The following GFPT2 variants were observed in gnomAD, a reference collection of about 807,000 sequenced individuals.
GFPT2 encodes glutamine--fructose-6-phosphate transaminase 2.
A neutral mutation model predicts 85.6 loss-of-function variants in GFPT2; 62 were observed. That is an observed-to-expected ratio of 0.72 (90% CI 0.59 to 0.90). The LOEUF (loss-of-function observed/expected upper bound fraction) is 0.90. GFPT2 is among the 40% of genes least tolerant of loss of function. The pLI is 0.00. For synonymous variants in GFPT2, 368 were observed against 344.5 expected, an observed-to-expected ratio of 1.07 and a Z score of -0.75; for missense variants, 788 against 893.4, an observed-to-expected ratio of 0.88 and a Z score of 1.50.
At position 180,301,183 on chromosome 5, in the gene GFPT2, A is replaced by G. The variant is rs938148556; in HGVS notation, c.*381T>C. On this transcript the variant is annotated 3_prime_UTR_variant, in exon 19 of 19. Coordinates refer to ENST00000253778, the MANE Select transcript of GFPT2 (RefSeq NM_005110.4). ...CGTTACCACGGCTACAGAAAGCCACATACTAGAAAAATAACTTAAAAGCTA... is the reference window on the plus strand; with the variant it reads ...CGTTACCACGGCTACAGAAAGCCACGTACTAGAAAAATAACTTAAAAGCTA... 4.3e-6 allele frequency: 1 copy of G among 233,334 alleles called. No homozygotes were observed. The highest frequency in any genetic ancestry group is 8.4e-6 in the Non-Finnish European group (1 of 119,602). The allele number at this position is 233,334 out of a possible 1,614,324, so 14.5% of individuals were successfully genotyped here. A position where few individuals can be genotyped will look rare whatever the true frequency, so the allele number is the denominator to read the frequency against.
intron 2 of GFPT2, among the ~76,000 whole-genome samples, chr5:180,338,006 C>T (rs1452320375): frequency 6.6e-6 from 1 of 152,180 alleles, no homozygotes; most frequent in African/African-American, 2.4e-5. Context: ...GTGGTGCACG[C>T]CTGTAGTCCC....
At chr5:180,310,197 G>T in intron 15 of GFPT2, among the ~76,000 whole-genome samples, 1 of 151,832 alleles carries the variant, frequency 6.6e-6, no homozygotes, top group Non-Finnish European at 1.5e-5. Flanking sequence ...CCGCCTCCTG[G>T]GTTCAAGCAA....
intron 7 of GFPT2, among the ~76,000 whole-genome samples, chr5:180,327,777 T>G (rs1425619215): frequency 6.6e-6 from 1 of 152,120 alleles, no homozygotes; most frequent in Non-Finnish European, 1.5e-5. Context: ...AGGGACACAT[T>G]GGGGCAAGCA....
chr5:180,334,246 C>A (rs1207059467), intron 4 of GFPT2, among the ~76,000 whole-genome samples: 1 of 152,250 alleles, frequency 6.6e-6, no homozygotes, highest in Non-Finnish European at 1.5e-5. Context: ...TACCACCAAG[C>A]TGCTCTGCTG....
At position 180,317,009 on chromosome 5, in the gene GFPT2, T is replaced by A. The variant is rs2112594; in HGVS notation, c.1008A>T (p.Ser336=). The change falls in exon 11 of 19, where the codon TCA becomes TCT. Residue 336 remains serine, a synonymous_variant. Transcript: ENST00000253778. ...CCCGACCTCTCATAGTATTGAAAAC[T>A]GATTCTGGCTGTTCGAAGATCTCCT... The part of the protein sequence containing the change: ...MQKEIFEQPE[S]VFNTMRGRVN... 13 of 1,611,738 alleles carry A rather than the reference T, an allele frequency of 8.1e-6. No individual in the cohort carries two copies. Among genetic ancestry groups the A allele is most frequent in the Non-Finnish European group, 6.8e-6 (8 of 1,177,884 alleles).
intron 15 of GFPT2, among the ~76,000 whole-genome samples, chr5:180,312,100 TGAGGACCAGGGAGGCAGGGAGGC>T (rs2127648232): frequency 2.5e-5 from 1 of 39,464 alleles, no homozygotes; most frequent in African/African-American, 8.8e-5. Context: ...GCAGGGAGGC[TGAGGACCAGGGAGGCAGGGAGGC>T]GGGGAGGCTG....
At chr5:180,313,711 C>T (rs1268820425) in intron 14 of GFPT2, 96 bp downstream of exon 14, 12 of 1,028,812 alleles carry the variant, frequency 1.2e-5, no homozygotes, top group Non-Finnish European at 1.6e-5. Flanking sequence ...GAAAGAAAGG[C>T]GGTGGCGCGG....
chr5:180,328,241 C>A lies in GFPT2; in HGVS notation c.596+36G>T. On this transcript the variant is annotated intron_variant, in intron 7 of 18. Coordinates refer to ENST00000253778, the MANE Select transcript of GFPT2 (RefSeq NM_005110.4). This position sits in a 1 kb window ranked among gnomAD's most constrained non-coding sequence, Gnocchi z 5.4. ...CCAGCTAAGTGATTTTATTTTCGTT[C>A]TTTCTTATGGGAAATGCCAGTGTGT... 1 of 1,519,488 alleles carries A rather than the reference C, an allele frequency of 6.6e-7. No individual in the cohort carries two copies. The highest frequency in any genetic ancestry group is 9.1e-7 in the Non-Finnish European group (1 of 1,093,602). The allele number at this position is 1,519,488 out of a possible 1,614,324, so 94.1% of individuals were successfully genotyped here. A position where few individuals can be genotyped will look rare whatever the true frequency, so the allele number is the denominator to read the frequency against.
At position 180,309,168 on chromosome 5, in the gene GFPT2, G is replaced by A. The variant is rs557750993; in HGVS notation, c.1547-1865C>T. 8.5e-5 allele frequency among the ~76,000 whole-genome samples: 13 copies of A among 152,102 alleles called. No individual in the cohort carries two copies. The East Asian group carries it at 1.2e-3, about 14-fold the overall frequency. On this transcript the variant is annotated intron_variant, in intron 15 of 18. Transcript: ENST00000253778. ...ATTACAGGCATCAGCCACCGTGCCC[G>A]GCCCTAGAGAAGTCTTTAAATGTTA...
chr5:180,301,610 T>A lies in GFPT2; in HGVS notation c.2005-2A>T. On this transcript the variant is annotated splice_acceptor_variant, in intron 18 of 18. Coordinates refer to ENST00000253778, the MANE Select transcript of GFPT2 (RefSeq NM_005110.4). LOFTEE classifies it high-confidence loss of function. ...GGCCAGATTTCTGGGGAAGTCAACCTAAAATGAAAGAAAGTGACTGTTCAG... is the reference window on the plus strand; with the variant it reads ...GGCCAGATTTCTGGGGAAGTCAACCAAAAATGAAAGAAAGTGACTGTTCAG... The A allele has an allele frequency of 6.2e-7, 1 of 1,612,652 alleles. No homozygotes were observed. The highest frequency in any genetic ancestry group is 8.5e-7 in the Non-Finnish European group (1 of 1,178,654).
chr5:180,350,924 C>T (rs1258754806), intron 1 of GFPT2, among the ~76,000 whole-genome samples: 3 of 152,198 alleles, frequency 2.0e-5, no homozygotes, highest in Non-Finnish European at 4.4e-5. Context: ...GGGAACGGCC[C>T]AGGAGATCTG....
chr5:180,302,322 T>C (rs894852569), intron 18 of GFPT2, 101 bp downstream of exon 18: 7 of 820,718 alleles, frequency 8.5e-6, no homozygotes, highest in Non-Finnish European at 1.3e-5. Flanking sequence ...TAAATAAAAT[T>C]ATTTACTCTA....
chr5:180,313,178 G>T lies in GFPT2; in HGVS notation c.1431+629C>A, dbSNP rs191865778. Reference sequence around the variant, plus strand: ...GCCTCCCACAGTGCTGGGATTCCAGGGGGGAGCCCCGTGCCAGCCCTAAAG... The same window carrying T: ...GCCTCCCACAGTGCTGGGATTCCAGTGGGGAGCCCCGTGCCAGCCCTAAAG... On this transcript the variant is annotated intron_variant, in intron 14 of 18. Transcript: ENST00000253778. Among the ~76,000 whole-genome samples the T allele has an allele frequency of 9.3e-3, 1,417 of 152,232 alleles. 28 individuals are homozygous for T. The highest frequency in any genetic ancestry group is 0.032 in the African/African-American group (1,348 of 41,556).
chr5:180,353,307 TGGG>T lies in GFPT2; in HGVS notation c.-93_-91del. On this transcript the variant is annotated 5_prime_UTR_variant, in exon 1 of 19. Coordinates refer to ENST00000253778, the MANE Select transcript of GFPT2 (RefSeq NM_005110.4). ...TCCGTGGGCTCCTCCGTGGGCTCCG[TGGG>T]CTCCGTGGGCTCCGCGGGCTCCAGC... 1 of 991,712 alleles carries T rather than the reference TGGG, an allele frequency of 1.0e-6. No individual in the cohort carries two copies. Among genetic ancestry groups the T allele is most frequent in the Non-Finnish European group, 1.3e-6 (1 of 772,156 alleles). The allele number at this position is 991,712 out of a possible 1,614,324, so 61.4% of individuals were successfully genotyped here. A position where few individuals can be genotyped will look rare whatever the true frequency, so the allele number is the denominator to read the frequency against.
chr5:180,324,848 G>A lies in GFPT2; in HGVS notation c.644C>T (p.Ser215Phe). The change falls in exon 8 of 19, where the codon TCC (serine) becomes TTC (phenylalanine). Residue 215 changes from serine (S) to phenylalanine (F), a missense_variant. Transcript: ENST00000253778. Reference sequence around the variant, plus strand: ...GTATAAGATAGGGATCTGTTCTGTGGAGAGCTTGTATTTGCTCCGGACTCC... The same window carrying A: ...GTATAAGATAGGGATCTGTTCTGTGAAGAGCTTGTATTTGCTCCGGACTCC... ...LIGVRSKYKL[S>F]TEQIPILYRT... 1 of 1,611,692 alleles carries A rather than the reference G, an allele frequency of 6.2e-7. No homozygotes were observed. Among genetic ancestry groups the A allele is most frequent in the Non-Finnish European group, 8.5e-7 (1 of 1,177,792 alleles).
intron 16 of GFPT2, among the ~76,000 whole-genome samples, chr5:180,306,264 C>T (rs1278140026): frequency 6.6e-6 from 1 of 152,184 alleles, no homozygotes; most frequent in Non-Finnish European, 1.5e-5. Context: ...GGATTACAGG[C>T]GTGGACCACT....
At chr5:180,336,299 A>C in intron 3 of GFPT2, 180 bp downstream of exon 3, 1 of 638,350 alleles carries the variant, frequency 1.6e-6, no homozygotes, top group Non-Finnish European at 2.8e-6. Context: ...CGCCGCCACC[A>C]CCTAAAATAA....
intron 4 of GFPT2, among the ~76,000 whole-genome samples, chr5:180,333,992 G>A (rs776752527): frequency 6.6e-5 from 10 of 152,174 alleles, no homozygotes; most frequent in Non-Finnish European, 1.0e-4. Context: ...GTGTTTTCTC[G>A]GCCAGCACGA....
In GFPT2 at chr5:180,304,874, G is replaced by C. The variant is rs189898875; in HGVS notation, c.1740C>G (p.Pro580=). The C allele has an allele frequency of 4.1e-4, 657 of 1,613,330 alleles. 3 individuals are homozygous for C. In the African/African-American group the frequency reaches 8.0e-3, roughly 20 times the overall value. Residue 580 remains proline (P), a synonymous_variant, in exon 17 of 19, where the codon CCC becomes CCG. Coordinates refer to ENST00000253778, the MANE Select transcript of GFPT2 (RefSeq NM_005110.4). ...GILAGELKHG[P]LALIDKQMPV... Reference sequence around the variant, plus strand: ...GCATCTGCTTGTCAATCAGTGCCAGGGGCCCGTGCTTCAGCTCCCCAGCCA... The same window carrying C: ...GCATCTGCTTGTCAATCAGTGCCAGCGGCCCGTGCTTCAGCTCCCCAGCCA...
Sources: gnomAD v4.1 joint callset for allele counts (sites outside exome capture counted in the v4.1 genomes callset) on GRCh38, gnomAD v4.1.1 for gene constraint, Gnocchi (gnomAD v3.1) non-coding constraint, MANE v1.5 for transcripts, NCBI Gene and HGNC (gene_info 2026-07-23, HGNC 2026-07-21) for gene names.